The following EYS variants were observed in gnomAD, a reference collection of about 807,000 sequenced individuals.
EYS encodes the protein EGF-like photoreceptor maintenance factor.
Under a neutral mutation model 282.1 loss-of-function variants are expected in EYS, and 250 were observed. The ratio of observed to expected loss-of-function variants is 0.89; its 90% confidence interval spans 0.80 to 0.98. The LOEUF (loss-of-function observed/expected upper bound fraction) is 0.98, where lower values mean the gene tolerates loss of function less well. Ranked by LOEUF, EYS falls within the 50% of genes least tolerant of loss-of-function variation. The pLI, the probability that EYS is intolerant of heterozygous loss-of-function variation, is 0.00. For synonymous variants in EYS, 1,355 were observed against 1,282.9 expected (o/e 1.06, Z -1.20); for missense variants, 4,016 against 3,709.0 (o/e 1.08, Z -2.15).
rs139017799 is a variant in EYS, at chr6:64,086,899, A to T, written c.6425-4897T>A. ...CAGAAACGATTATAACATAGTTGGA[A>T]TGTCACTTATGGAGCAGAAGGTTTG... On this transcript the variant is annotated intron_variant, in intron 31 of 42. Transcript: ENST00000503581. Among the ~76,000 whole-genome samples, 619 of 152,272 alleles carry T rather than the reference A, an allele frequency of 4.1e-3. 2 individuals are homozygous for T. Among genetic ancestry groups the T allele is most frequent in the Non-Finnish European group, 6.4e-3 (436 of 67,980 alleles).
chr6:64,710,203 G>A (rs1451529040), intron 22 of EYS, among the ~76,000 whole-genome samples: 2 of 152,184 alleles, frequency 1.3e-5, no homozygotes, highest in African/African-American at 4.8e-5. Flanking sequence ...GGTTAGACAG[G>A]TAAGAATTAA....
chr6:64,172,776 A>G (rs1764520519), intron 31 of EYS, among the ~76,000 whole-genome samples: 2 of 152,148 alleles, frequency 1.3e-5, no homozygotes, highest in South Asian at 2.1e-4. Context: ...GTTTCAGATC[A>G]ATGGTGACAT....
chr6:65,027,748 G>A (rs1772464818), intron 13 of EYS, among the ~76,000 whole-genome samples: 1 of 152,072 alleles, frequency 6.6e-6, no homozygotes, highest in African/African-American at 2.4e-5. Context: ...CCTTTTTAGT[G>A]CCAGATAGTA....
chr6:65,602,814 C>G (rs922261889), intron 2 of EYS, among the ~76,000 whole-genome samples: 2 of 152,008 alleles, frequency 1.3e-5, no homozygotes, highest in African/African-American at 4.8e-5. Context: ...GACAGGGAAG[C>G]CTTTTTGAAG....
intron 2 of EYS, among the ~76,000 whole-genome samples, chr6:65,554,801 G>C (rs1403236704): frequency 6.6e-6 from 1 of 152,142 alleles, no homozygotes; most frequent in African/African-American, 2.4e-5. Context: ...GCAATGTCTA[G>C]CCAAGAAGGA....
chr6:63,795,769 T>C (rs1375835383), intron 37 of EYS, among the ~76,000 whole-genome samples: 1 of 152,044 alleles, frequency 6.6e-6, no homozygotes, highest in African/African-American at 2.4e-5. Context: ...AAATCTATTA[T>C]ATAGGAAGGA....
chr6:64,768,191 G>A (rs956539822), intron 22 of EYS, among the ~76,000 whole-genome samples: 8 of 151,786 alleles, frequency 5.3e-5, no homozygotes, highest in Non-Finnish European at 1.0e-4. Context: ...ATATATTTCA[G>A]AATAATCATA....
intron 26 of EYS, among the ~76,000 whole-genome samples, chr6:64,576,270 C>T (rs547812365): frequency 9.6e-4 from 146 of 152,120 alleles, no homozygotes; most frequent in Non-Finnish European, 1.6e-3. Context: ...GCGATCAGTG[C>T]GTTTCCTACT....
chr6:64,504,636 T>C (rs9353865), intron 26 of EYS, among the ~76,000 whole-genome samples: 63,016 of 152,006 alleles, frequency 0.41, 13,617 homozygotes, highest in African/African-American at 0.56. Context: ...AAGAAGTCTA[T>C]AGCAAGAAGT....
chr6:64,900,142 A>G (rs1001034846), intron 18 of EYS, among the ~76,000 whole-genome samples: 1 of 152,208 alleles, frequency 6.6e-6, no homozygotes, highest in Non-Finnish European at 1.5e-5. Flanking sequence ...AGGATTCCCT[A>G]TTTAATAAAT....
At chr6:64,636,297 C>A (rs1411866790) in intron 22 of EYS, among the ~76,000 whole-genome samples, 1 of 152,146 alleles carries the variant, frequency 6.6e-6, no homozygotes, top group South Asian at 2.1e-4. Context: ...ATATCTACAA[C>A]CATCTGATCT....
At chr6:65,676,840 A>AT (rs537319902) in intron 1 of EYS, among the ~76,000 whole-genome samples, 31 of 151,916 alleles carry the variant, frequency 2.0e-4, no homozygotes, top group African/African-American at 7.2e-4. Context: ...TAGTATCTTA[A>AT]TAGAATCATA....
chr6:64,179,229 T>C (rs1009048641), intron 31 of EYS, among the ~76,000 whole-genome samples: 1 of 152,022 alleles, frequency 6.6e-6, no homozygotes, highest in East Asian at 1.9e-4. Context: ...GAGTAGCAAA[T>C]ATAAGAATAG....
chr6:63,952,396 C>T (rs1367167032), intron 35 of EYS, among the ~76,000 whole-genome samples: 4 of 152,244 alleles, frequency 2.6e-5, no homozygotes, highest in Non-Finnish European at 1.5e-5. Context: ...TGGACCATCA[C>T]AGATGCTTTG....
At chr6:64,647,074 T>C (rs1171554685) in intron 22 of EYS, among the ~76,000 whole-genome samples, 1 of 152,190 alleles carries the variant, frequency 6.6e-6, no homozygotes, top group Non-Finnish European at 1.5e-5. Context: ...ACTGTGTAAC[T>C]GTGAGACATA....
chr6:63,906,610 A>C (rs1048948520), intron 35 of EYS, among the ~76,000 whole-genome samples: 1 of 152,186 alleles, frequency 6.6e-6, no homozygotes, highest in Non-Finnish European at 1.5e-5. Flanking sequence ...ACGCTTTTGA[A>C]AAGCTTTTAG....
At chr6:65,589,507 A>G (rs757725837) in intron 2 of EYS, among the ~76,000 whole-genome samples, 13 of 151,912 alleles carry the variant, frequency 8.6e-5, no homozygotes, top group Non-Finnish European at 1.5e-4. Flanking sequence ...CTACCTCTCT[A>G]GGTAGAAATG....
At chr6:64,694,761 CT>C (rs1449330611) in intron 22 of EYS, among the ~76,000 whole-genome samples, 1 of 152,154 alleles carries the variant, frequency 6.6e-6, no homozygotes. Flanking sequence ...GATGTCCCCA[CT>C]TTTGTGAGAC....
intron 26 of EYS, among the ~76,000 whole-genome samples, chr6:64,497,449 A>G (rs1023525728): frequency 6.6e-6 from 1 of 152,186 alleles, no homozygotes; most frequent in Non-Finnish European, 1.5e-5. Flanking sequence ...AAGTAAATGA[A>G]CATGAGCCCA....
Sources: gnomAD v4.1 joint callset for allele counts (sites outside exome capture counted in the v4.1 genomes callset) on GRCh38, gnomAD v4.1.1 for gene constraint, MANE v1.5 for transcripts, NCBI Gene and HGNC (gene_info 2026-07-23, HGNC 2026-07-21) for gene names.